Variants in SCN9A observed in about 807,000 individuals in gnomAD.
SCN9A encodes sodium voltage-gated channel alpha subunit 9, also known as sodium channel protein type 9 subunit alpha.
A neutral mutation model predicts 187.0 loss-of-function variants in SCN9A; 131 were observed. The ratio of observed to expected loss-of-function variants is 0.70; its 90% confidence interval spans 0.61 to 0.81. The LOEUF is 0.81. Ranked by LOEUF, SCN9A falls within the 30% of genes least tolerant of loss-of-function variation. The probability of loss-of-function intolerance (pLI) is 0.00; values close to 1 mark genes in which losing one functional copy is unlikely to be tolerated. For missense variants in SCN9A, 2,252 were observed against 2,396.6 expected (o/e 0.94, Z 1.26); for synonymous variants, 809 against 808.6 (o/e 1.00, Z -0.01).
chr2:166,219,760 GA>G (rs1324848508), intron 24 of SCN9A, among the ~76,000 whole-genome samples: 4 of 152,020 alleles, frequency 2.6e-5, no homozygotes, highest in Admixed American at 6.5e-5. Flanking sequence ...AATAGGAAAT[GA>G]AAAAAATAAA....
At chr2:166,367,492 C>G (rs1700445987) in intron 1 of SCN9A, among the ~76,000 whole-genome samples, 1 of 152,162 alleles carries the variant, frequency 6.6e-6, no homozygotes. Flanking sequence ...TCTCCAACTC[C>G]TGACCTCAAG....
chr2:166,244,177 TG>T (rs1307007180), intron 18 of SCN9A, among the ~76,000 whole-genome samples: 1 of 151,780 alleles, frequency 6.6e-6, no homozygotes, highest in Non-Finnish European at 1.5e-5. Context: ...AAAATGGGGG[TG>T]GGAACCTGAA....
intron 1 of SCN9A, among the ~76,000 whole-genome samples, chr2:166,322,825 G>C (rs1376783716): frequency 1.3e-5 from 2 of 152,136 alleles, no homozygotes; most frequent in African/African-American, 2.4e-5. Flanking sequence ...CCTGGGTTTT[G>C]AATACTGGAT....
chr2:166,214,188 C>A (rs896131515), intron 24 of SCN9A, among the ~76,000 whole-genome samples: 2 of 152,042 alleles, frequency 1.3e-5, no homozygotes, highest in Non-Finnish European at 2.9e-5. Context: ...GCTTTTAGAT[C>A]ACCATGCTTG....
chr2:166,319,935 T>C (rs1699197899), intron 1 of SCN9A, among the ~76,000 whole-genome samples: 1 of 151,992 alleles, frequency 6.6e-6, no homozygotes, highest in African/African-American at 2.4e-5. Flanking sequence ...GTATATTCCA[T>C]TTAAAGGTAT....
chr2:166,315,069 A>T lies in SCN9A; in HGVS notation c.-50-3263T>A, dbSNP rs182313512. 1.8e-3 allele frequency among the ~76,000 whole-genome samples: 276 copies of T among 152,360 alleles called. 1 individual carries two copies. The highest frequency in any genetic ancestry group is 6.5e-3 in the African/African-American group (269 of 41,574). ...CAGAATAGGAAGAGATTTAGTAAAA[A>T]GGAAACAAATCAATGAATCAAATCA... is the stretch of plus-strand genomic sequence containing the variant. On this transcript the variant is annotated intron_variant, in intron 1 of 26. Coordinates refer to ENST00000642356, the MANE Select transcript of SCN9A (RefSeq NM_001365536.1).
chr2:166,306,582 A>T lies in SCN9A; in HGVS notation c.395T>A (p.Ile132Asn). 1.3e-6 allele frequency: 2 copies of T among 1,577,546 alleles called. No individual in the cohort carries two copies. The highest frequency in any genetic ancestry group is 1.7e-6 in the Non-Finnish European group (2 of 1,158,632). Residue 132 changes from isoleucine (I) to asparagine (N), a missense_variant, in exon 4 of 27, where the codon ATC (isoleucine) becomes AAC (asparagine). Around this residue, in one of 7 missense-constraint regions of SCN9A, gnomAD observed 1,013 missense variants for 997.4 expected, o/e 1.02. Coordinates refer to ENST00000642356, the MANE Select transcript of SCN9A (RefSeq NM_001365536.1). ...ILVHSLFSML[I>N]MCTILTNCIF... The stretch of plus-strand genomic sequence containing the variant: ...GCAGTTTGTCAGAATAGTGCACATG[A>T]TGAGCATGCTGAATAAGGTAGCTTA...
chr2:166,227,411 CAAAT>C (rs1292539124), intron 23 of SCN9A, among the ~76,000 whole-genome samples: 21 of 152,048 alleles, frequency 1.4e-4, no homozygotes, highest in Non-Finnish European at 5.9e-5. Flanking sequence ...ATAGATTAGA[CAAAT>C]AAACTAAGTC....
At chr2:166,208,009 T>A (rs1381053422) in intron 24 of SCN9A, among the ~76,000 whole-genome samples, 2 of 152,196 alleles carry the variant, frequency 1.3e-5, no homozygotes, top group African/African-American at 2.4e-5. Context: ...CCTAATGATA[T>A]CCTGGTTGTC....
At chr2:166,345,666 G>T (rs1699883988) in intron 1 of SCN9A, among the ~76,000 whole-genome samples, 1 of 152,132 alleles carries the variant, frequency 6.6e-6, no homozygotes, top group South Asian at 2.1e-4. Flanking sequence ...AAATCCTGTT[G>T]AAGATGAAGG....
intron 26 of SCN9A, among the ~76,000 whole-genome samples, chr2:166,201,699 ATG>A (rs1193273272): frequency 6.6e-6 from 1 of 150,402 alleles, no homozygotes; most frequent in Non-Finnish European, 1.5e-5. Flanking sequence ...TATACATAGT[ATG>A]TGTGTGTATG....
intron 21 of SCN9A, among the ~76,000 whole-genome samples, chr2:166,231,432 G>C (rs1695078751): frequency 6.6e-6 from 1 of 151,788 alleles, no homozygotes. Flanking sequence ...TAACAGTGAA[G>C]ATTTGGTAGG....
chr2:166,199,502 G>T lies in SCN9A; in HGVS notation c.5137C>A (p.Pro1713Thr). 6.2e-7 allele frequency: 1 copy of T among 1,614,180 alleles called. No homozygotes were observed. Among genetic ancestry groups the T allele is most frequent in the Non-Finnish European group, 8.5e-7 (1 of 1,180,038 alleles). Residue 1713 changes from proline to threonine, a missense_variant, in exon 27 of 27, where the codon CCC becomes ACC. Transcript: ENST00000642356. ...LLAPILNSKP[P>T]DCDPKKVHPG... The stretch of plus-strand genomic sequence containing the variant: ...TGAACTTTTTTTGGGTCACAGTCGG[G>T]TGGCTTACTGTTAAGAATAGGTGCT...
At chr2:166,255,300 T>TC (rs1309127680) in intron 17 of SCN9A, among the ~76,000 whole-genome samples, 1 of 151,572 alleles carries the variant, frequency 6.6e-6, no homozygotes, top group Non-Finnish European at 1.5e-5. Context: ...TTCATGGTTT[T>TC]CCCTTTGATT....
At chr2:166,264,370 G>C (rs115684699) in intron 17 of SCN9A, among the ~76,000 whole-genome samples, 28 of 152,054 alleles carry the variant, frequency 1.8e-4, no homozygotes, top group Non-Finnish European at 4.0e-4. Flanking sequence ...TCTGAGAAGA[G>C]CCATCAGTTC....
At chr2:166,327,352 T>G (rs992983279) in intron 1 of SCN9A, among the ~76,000 whole-genome samples, 1 of 152,126 alleles carries the variant, frequency 6.6e-6, no homozygotes, top group Admixed American at 6.5e-5. Context: ...AGACAAGGTC[T>G]CACCATGTTG....
At position 166,251,971 on chromosome 2, in the gene SCN9A, C is replaced by T. The variant is rs556759173; in HGVS notation, c.3352-86G>A. ...TTAAGCCTTATTTAATAATCAGACT[C>T]ATGCAAAGTATTATGAAAAAAGATT... is the stretch of plus-strand genomic sequence containing the variant. On this transcript the variant is annotated intron_variant, in intron 17 of 26. Transcript: ENST00000642356. 3.5e-6 allele frequency: 5 copies of T among 1,444,830 alleles called. No homozygotes were observed. The East Asian group carries it at 7.1e-5, about 20-fold the overall frequency. 89.5% of individuals were successfully genotyped at this position (1,444,830 alleles called of 1,614,324 possible). A position where few individuals can be genotyped will look rare whatever the true frequency, so the allele number is the denominator to read the frequency against.
chr2:166,337,247 A>C (rs1699651730), intron 1 of SCN9A, among the ~76,000 whole-genome samples: 1 of 152,116 alleles, frequency 6.6e-6, no homozygotes, highest in South Asian at 2.1e-4. Flanking sequence ...TGGCCTGCCA[A>C]GTTAATACTC....
rs1694890154 is a variant in SCN9A, at chr2:166,227,534, A to G, written c.4260+136T>C. On this transcript the variant is annotated intron_variant, in intron 23 of 26. Transcript: ENST00000642356. The stretch of plus-strand genomic sequence containing the variant: ...TCCAACTGCTGTACTCACAACCACT[A>G]GGCTACTATCAGGTGGATGTTCTTC... 6.1e-6 allele frequency: 4 copies of G among 655,012 alleles called. No homozygotes were observed. The South Asian group carries it at 7.5e-5, about 12-fold the overall frequency. The allele number at this position is 655,012 out of a possible 1,614,324, so 40.6% of individuals were successfully genotyped here.
Sources: allele counts gnomAD v4.1 joint callset (sites outside exome capture counted in the v4.1 genomes callset), GRCh38; gene constraint gnomAD v4.1.1; regional missense constraint gnomAD v4.1.1; transcripts MANE v1.5; gene names NCBI Gene and HGNC (gene_info 2026-07-23, HGNC 2026-07-21).